DOCK5: variants seen among roughly 807,000 people sequenced by gnomAD.
The protein encoded by DOCK5 is dedicator of cytokinesis 5.
DOCK5 carries 142 observed loss-of-function variants against 251.8 expected under a neutral mutation model. The ratio of observed to expected loss-of-function variants is 0.56; its 90% CI spans 0.49 to 0.65. The LOEUF is 0.65. Ranked by LOEUF, DOCK5 falls within the 30% of genes least tolerant of loss-of-function variation. The probability of loss-of-function intolerance (pLI) is 0.00; values close to 1 mark genes in which losing one functional copy is unlikely to be tolerated. For synonymous variants in DOCK5, 842 were observed against 835.5 expected, an observed-to-expected ratio of 1.01 and a Z score of -0.13; for missense variants, 2,111 against 2,312.3, an observed-to-expected ratio of 0.91 and a Z score of 1.79.
intron 1 of DOCK5, among the ~76,000 whole-genome samples, chr8:25,192,656 C>T (rs1156942467): frequency 6.6e-6 from 1 of 152,164 alleles, no homozygotes; most frequent in Non-Finnish European, 1.5e-5. Flanking sequence ...CAGACACACA[C>T]TACCATGCCT....
intron 38 of DOCK5, among the ~76,000 whole-genome samples, chr8:25,379,746 G>A (rs535957446): frequency 2.9e-4 from 44 of 152,140 alleles, no homozygotes; most frequent in African/African-American, 1.0e-3. Context: ...TTCCTCTGCC[G>A]CAGCTCCAGC....
At chr8:25,259,497 C>T (rs1370337855) in intron 2 of DOCK5, among the ~76,000 whole-genome samples, 1 of 152,020 alleles carries the variant, frequency 6.6e-6, no homozygotes, top group African/African-American at 2.4e-5. Flanking sequence ...GCTCTATCAC[C>T]TAGGGTAGAA....
chr8:25,377,400 C>T lies in DOCK5; in HGVS notation c.3912C>T (p.Ile1304=). 1 of 1,613,426 alleles carries T rather than the reference C, an allele frequency of 6.2e-7. No homozygotes were observed. The highest frequency in any genetic ancestry group is 1.1e-5 in the South Asian group (1 of 91,050). The change falls in exon 38 of 52, where the codon ATC becomes ATT. Residue 1304 remains isoleucine, a synonymous_variant. Transcript: ENST00000276440. ...QELKEKLYQE[I]ISYFDKGKMW... Reference sequence around the variant, plus strand: ...TTAAAGAGAAGCTGTATCAAGAAATCATATCATATTTCGACAAAGGCAAAG... The same window carrying T: ...TTAAAGAGAAGCTGTATCAAGAAATTATATCATATTTCGACAAAGGCAAAG...
At chr8:25,254,198 A>G (rs1236690388) in intron 2 of DOCK5, among the ~76,000 whole-genome samples, 1 of 152,220 alleles carries the variant, frequency 6.6e-6, no homozygotes, top group Non-Finnish European at 1.5e-5. Context: ...CGAAATAATA[A>G]TTTAGACACA....
At chr8:25,186,611 T>G (rs2117430309) in intron 1 of DOCK5, among the ~76,000 whole-genome samples, 1 of 152,238 alleles carries the variant, frequency 6.6e-6, no homozygotes, top group Non-Finnish European at 1.5e-5. Flanking sequence ...ACTCCTGACC[T>G]CAGGTGATCC....
At chr8:25,370,031 T>C (rs1251818773) in intron 34 of DOCK5, among the ~76,000 whole-genome samples, 1 of 152,216 alleles carries the variant, frequency 6.6e-6, no homozygotes, top group Non-Finnish European at 1.5e-5. Flanking sequence ...AAAAAATACC[T>C]TAGGACCCAT....
chr8:25,241,089 A>T (rs532500546), intron 1 of DOCK5, among the ~76,000 whole-genome samples: 2 of 152,290 alleles, frequency 1.3e-5, no homozygotes, highest in East Asian at 3.9e-4. Flanking sequence ...CAGGGAAGAG[A>T]GCTCCTCTCA....
At chr8:25,263,165 C>A (rs1396885955) in intron 2 of DOCK5, among the ~76,000 whole-genome samples, 1 of 151,800 alleles carries the variant, frequency 6.6e-6, no homozygotes, top group African/African-American at 2.4e-5. Context: ...CAAATAAGAT[C>A]ATTTATCAGT....
intron 28 of DOCK5, 29 bp downstream of exon 28, chr8:25,359,090 C>T: frequency 3.2e-6 from 5 of 1,583,206 alleles, no homozygotes; most frequent in Non-Finnish European, 4.3e-6. Flanking sequence ...TCCTGGTAAC[C>T]TGAAGACTTC....
At chr8:25,356,910 TATATA>T (rs1800584337) in intron 27 of DOCK5, among the ~76,000 whole-genome samples, 62 of 828 alleles carry the variant, frequency 0.075, 1 homozygote, top group African/African-American at 0.12. Context: ...ATGAAGATTA[TATATA>T]TATATATATA....
At chr8:25,384,037 C>A (rs1256238222) in intron 40 of DOCK5, among the ~76,000 whole-genome samples, 4 of 152,222 alleles carry the variant, frequency 2.6e-5, no homozygotes, top group African/African-American at 9.7e-5. Flanking sequence ...TGTCCCTGAA[C>A]TGGTGATGGG....
chr8:25,395,047 A>G (rs920510256), intron 44 of DOCK5, among the ~76,000 whole-genome samples: 1 of 152,162 alleles, frequency 6.6e-6, no homozygotes, highest in African/African-American at 2.4e-5. Context: ...ATATTGAAAT[A>G]ATTATCATGT....
chr8:25,411,001 A>G (rs1419769900), intron 51 of DOCK5, among the ~76,000 whole-genome samples, 193 bp from the exon 52 acceptor site: 38 of 100,738 alleles, frequency 3.8e-4, no homozygotes, highest in African/African-American at 1.3e-3. Context: ...GCACGCACGC[A>G]CGCGTGTGTC....
chr8:25,392,595 A>C (rs535335374), intron 43 of DOCK5, among the ~76,000 whole-genome samples: 9 of 152,312 alleles, frequency 5.9e-5, no homozygotes, highest in African/African-American at 1.9e-4. Context: ...AGTCCCAAGT[A>C]GACGATCCCT....
At chr8:25,284,279 A>T (rs760903617) in intron 5 of DOCK5, among the ~76,000 whole-genome samples, 4 of 152,212 alleles carry the variant, frequency 2.6e-5, no homozygotes, top group Non-Finnish European at 5.9e-5. Context: ...AGTACCTGTC[A>T]CACTGTGGTC....
In DOCK5 at chr8:25,411,236, C is replaced by T. The variant is rs1801626880; in HGVS notation, c.5551C>T (p.Pro1851Ser). 3 of 1,592,332 alleles carry T rather than the reference C, an allele frequency of 1.9e-6. No homozygotes were observed. Among genetic ancestry groups the T allele is most frequent in the Non-Finnish European group, 2.6e-6 (3 of 1,171,132 alleles). ...LPVRREAKAP[P>S]PPPPKARKSG... is the part of the protein sequence containing the mutation. ...TGTCCGAAGAGAAGCCAAAGCACCA[C>T]CCCCTCCACCTCCAAAGGCTCGGAA... Residue 1851 changes from proline to serine, a missense_variant, in exon 52 of 52, where the codon CCC (proline) becomes TCC (serine). Physicochemically the swap from Pro to Ser is moderately conservative, Grantham distance 74. Around this residue, in one of 3 missense-constraint regions of DOCK5, gnomAD observed 1,717 missense variants for 1,892.4 expected, o/e 0.91. Coordinates refer to ENST00000276440, the MANE Select transcript of DOCK5 (RefSeq NM_024940.8).
chr8:25,185,009 C>T, intron 1 of DOCK5, 58 bp downstream of exon 1: 6 of 1,297,434 alleles, frequency 4.6e-6, no homozygotes, highest in African/African-American at 1.5e-5. Flanking sequence ...TCGCGGACAG[C>T]GGCCCTGCCA....
rs1227641531 is a variant in DOCK5 at position 25,209,686 on chromosome 8, T to G, written c.43+24735T>G. 5.8e-5 allele frequency among the ~76,000 whole-genome samples: 4 copies of G among 69,324 alleles called. 2 individuals carry two copies. In the East Asian group the frequency reaches 1.3e-3, roughly 22 times the overall value. The allele number at this position is 69,324 out of a possible 152,430, so 45.5% of individuals were successfully genotyped here. On this transcript the variant is annotated intron_variant, in intron 1 of 51. Coordinates refer to ENST00000276440, the MANE Select transcript of DOCK5 (RefSeq NM_024940.8). ...TCCCAGCTTAAGAAGAAGTCTTGCA[T>G]GAGATGATGTCTGAACTTTTTTTGT...
intron 1 of DOCK5, among the ~76,000 whole-genome samples, chr8:25,241,355 G>A (rs1263266808): frequency 2.0e-5 from 3 of 152,094 alleles, no homozygotes; most frequent in Non-Finnish European, 2.9e-5. Context: ...GCGGGCACCT[G>A]TAGTCCCAGC....
Sources: gnomAD v4.1 joint callset for allele counts (sites outside exome capture counted in the v4.1 genomes callset) on GRCh38, gnomAD v4.1.1 for gene constraint, gnomAD v4.1.1 regional missense constraint, MANE v1.5 for transcripts, NCBI Gene and HGNC (gene_info 2026-07-23, HGNC 2026-07-21) for gene names.